PIKFYVE: variants seen among roughly 807,000 people sequenced by gnomAD.
PIKFYVE encodes phosphoinositide kinase, FYVE-type zinc finger containing.
PIKFYVE carries 122 observed loss-of-function variants against 257.9 expected under a neutral mutation model. That is an observed-to-expected ratio of 0.47 (90% CI 0.41 to 0.55). The LOEUF is 0.55. PIKFYVE is among the 20% of genes least tolerant of loss of function. The pLI is 0.00. For synonymous variants in PIKFYVE, 892 were observed against 868.9 expected (o/e 1.03, Z -0.47); for missense variants, 2,160 against 2,536.6 (o/e 0.85, Z 3.19).
intron 5 of PIKFYVE, among the ~76,000 whole-genome samples, chr2:208,278,553 C>T (rs1043489688): frequency 6.6e-6 from 1 of 152,034 alleles, no homozygotes; most frequent in African/African-American, 2.4e-5. Context: ...AACCTTGCTC[C>T]TCTTCCTCCC....
chr2:208,322,703 T>TA (rs1553519215), intron 17 of PIKFYVE, among the ~76,000 whole-genome samples: 17,224 of 149,950 alleles, frequency 0.11, 1,161 homozygotes, highest in African/African-American at 0.16. Flanking sequence ...ATATATATAT[T>TA]TTTTTTATTA....
chr2:208,312,188 T>C (rs1162692016), intron 12 of PIKFYVE, 48 bp from the exon 13 acceptor site: 1 of 1,322,096 alleles, frequency 7.6e-7, no homozygotes, highest in East Asian at 2.3e-5. Flanking sequence ...GTTATAGTCA[T>C]ATGTCTCTAC....
chr2:208,299,430 C>T (rs1693410072), intron 8 of PIKFYVE, among the ~76,000 whole-genome samples: 1 of 152,120 alleles, frequency 6.6e-6, no homozygotes, highest in South Asian at 2.1e-4. Context: ...GCTGGGACTA[C>T]AGGCATGTGC....
chr2:208,282,044 A>G (rs1019675421), intron 5 of PIKFYVE, among the ~76,000 whole-genome samples: 3 of 152,204 alleles, frequency 2.0e-5, no homozygotes, highest in Admixed American at 1.3e-4. Context: ...GTCTAATGCA[A>G]TTAGGAGGAA....
intron 32 of PIKFYVE, 79 bp downstream of exon 32, chr2:208,342,728 T>G (rs1698826009): frequency 1.7e-6 from 2 of 1,194,990 alleles, no homozygotes; most frequent in Non-Finnish European, 1.2e-6. Context: ...TTTTGGAATC[T>G]TTCACATAAA....
intron 12 of PIKFYVE, among the ~76,000 whole-genome samples, chr2:208,311,616 C>G (rs925646525): frequency 2.6e-5 from 4 of 152,118 alleles, no homozygotes; most frequent in African/African-American, 9.7e-5. Flanking sequence ...TAAAAGCATT[C>G]AGAGTGTGTT....
At chr2:208,342,258 G>A (rs1465045149) in intron 31 of PIKFYVE, among the ~76,000 whole-genome samples, 5 of 152,116 alleles carry the variant, frequency 3.3e-5, no homozygotes, top group South Asian at 4.1e-4. Flanking sequence ...TCTCTAGCTT[G>A]TAATGGAACA....
intron 11 of PIKFYVE, 78 bp downstream of exon 11, chr2:208,304,396 T>A: frequency 6.5e-7 from 1 of 1,536,316 alleles, no homozygotes; most frequent in South Asian, 1.1e-5. Flanking sequence ...TCTTGTTTGT[T>A]GAAATAATTC....
At position 208,353,923 on chromosome 2, in the gene PIKFYVE, G is replaced by C. The variant is rs777180780; in HGVS notation, c.5870G>C (p.Arg1957Thr). 6.2e-7 allele frequency: 1 copy of C among 1,613,870 alleles called. No individual in the cohort carries two copies. The highest frequency in any genetic ancestry group is 8.5e-7 in the Non-Finnish European group (1 of 1,179,906). ...AQVFDLKGSL[R>T]NRNVKTDTGK... ...GTTTTTGATTTGAAGGGCTCTCTTAGGAATCGGAATGTAAAAACTGACACT... is the reference window on the plus strand; with the variant it reads ...GTTTTTGATTTGAAGGGCTCTCTTACGAATCGGAATGTAAAAACTGACACT... Residue 1957 changes from arginine (R) to threonine (T), a missense_variant, in exon 40 of 42, where the codon AGG (arginine) becomes ACG (threonine). Around this residue, in one of 12 missense-constraint regions of PIKFYVE, gnomAD observed 699 missense variants for 855.8 expected, o/e 0.82. Coordinates refer to ENST00000264380, the MANE Select transcript of PIKFYVE (RefSeq NM_015040.4).
intron 28 of PIKFYVE, 60 bp downstream of exon 28, chr2:208,336,988 A>G (rs904783469): frequency 1.6e-6 from 2 of 1,283,578 alleles, no homozygotes; most frequent in African/African-American, 2.9e-5. Flanking sequence ...AGTTTCATTT[A>G]TAATACTTAG....
At chr2:208,285,977 C>T (rs182415863) in intron 6 of PIKFYVE, 44 bp downstream of exon 6, 206 of 1,565,238 alleles carry the variant, frequency 1.3e-4, no homozygotes, top group Non-Finnish European at 1.7e-4. Flanking sequence ...TGAAAAATAT[C>T]GATAGTTGTC....
chr2:208,355,496 C>A lies in PIKFYVE; in HGVS notation c.*191C>A, dbSNP rs1700112110. On this transcript the variant is annotated 3_prime_UTR_variant, in exon 42 of 42. Coordinates refer to ENST00000264380, the MANE Select transcript of PIKFYVE (RefSeq NM_015040.4). ...TGAATTTGCACTTTGGTTTTTGATA[C>A]CTGTGGAGCTGTCTGTAGGTTGGGA... 1 of 562,302 alleles carries A rather than the reference C, an allele frequency of 1.8e-6. No homozygotes were observed. The highest frequency in any genetic ancestry group is 3.2e-6 in the Non-Finnish European group (1 of 315,602). The allele number at this position is 562,302 out of a possible 1,614,324, so 34.8% of individuals were successfully genotyped here.
intron 6 of PIKFYVE, 58 bp downstream of exon 6, chr2:208,285,991 C>A: frequency 6.7e-7 from 1 of 1,501,636 alleles, no homozygotes; most frequent in Non-Finnish European, 9.2e-7. Flanking sequence ...AGTTGTCTGA[C>A]CTTTGAGTGC....
At chr2:208,296,077 T>C (rs1252411056) in intron 7 of PIKFYVE, among the ~76,000 whole-genome samples, 5 of 152,038 alleles carry the variant, frequency 3.3e-5, no homozygotes, top group Admixed American at 3.3e-4. Flanking sequence ...CAATTTCACC[T>C]CATTGCAACC....
chr2:208,354,546 T>A, intron 40 of PIKFYVE, 25 bp from the exon 41 acceptor site: 1 of 1,561,238 alleles, frequency 6.4e-7, no homozygotes, highest in Non-Finnish European at 8.8e-7. Flanking sequence ...GCTTTATTGC[T>A]AATTTCACTC....
In PIKFYVE at chr2:208,332,767, G is replaced by T. The variant is rs975480824; in HGVS notation, c.3964-548G>T. 3.9e-5 allele frequency among the ~76,000 whole-genome samples: 6 copies of T among 152,108 alleles called. No individual in the cohort carries two copies. The East Asian group carries it at 1.2e-3, about 29-fold the overall frequency. ...TATGTATATATGTATATGTGTGTGT[G>T]TGTATATATATATATAAATACATCA... On this transcript the variant is annotated intron_variant, in intron 23 of 41. Coordinates refer to ENST00000264380, the MANE Select transcript of PIKFYVE (RefSeq NM_015040.4).
At chr2:208,282,735 G>A (rs4675745) in intron 5 of PIKFYVE, among the ~76,000 whole-genome samples, 146,177 of 152,260 alleles carry the variant, frequency 0.96, 70,315 homozygotes, top group East Asian at 1. Flanking sequence ...CCAAGTTGAC[G>A]CATAAGGTTA....
intron 34 of PIKFYVE, among the ~76,000 whole-genome samples, chr2:208,346,899 G>T (rs1236545585): frequency 6.6e-6 from 1 of 152,210 alleles, no homozygotes; most frequent in Non-Finnish European, 1.5e-5. Flanking sequence ...AAACAAGGGT[G>T]TTGCAAGCTG....
At chr2:208,338,205 AT>A (rs915465287) in intron 28 of PIKFYVE, among the ~76,000 whole-genome samples, 26 of 150,442 alleles carry the variant, frequency 1.7e-4, no homozygotes, top group Middle Eastern at 3.4e-3. Context: ...TCTTTCACCA[AT>A]TTTTTTTTTA....
Sources: allele counts gnomAD v4.1 joint callset (sites outside exome capture counted in the v4.1 genomes callset), GRCh38; gene constraint gnomAD v4.1.1; regional missense constraint gnomAD v4.1.1; transcripts MANE v1.5; gene names NCBI Gene and HGNC (gene_info 2026-07-23, HGNC 2026-07-21).